SORCS2: variants seen among roughly 807,000 people sequenced by gnomAD.
SORCS2 encodes the protein VPS10 domain-containing receptor SorCS2.
Under a neutral mutation model 141.6 loss-of-function variants are expected in SORCS2, and 100 were observed. That is an observed-to-expected ratio of 0.71 (90% confidence interval 0.60 to 0.83). The LOEUF (loss-of-function observed/expected upper bound fraction) is 0.83. Ranked by LOEUF, SORCS2 falls within the 40% of genes least tolerant of loss-of-function variation. The pLI, the probability that SORCS2 is intolerant of heterozygous loss-of-function variation, is 0.00. For synonymous variants in SORCS2, 789 were observed against 676.9 expected, an observed-to-expected ratio of 1.17 and a Z score of -2.57; for missense variants, 1,646 against 1,560.2, an observed-to-expected ratio of 1.05 and a Z score of -0.93.
chr4:7,710,157 G>T (rs1040290906), intron 14 of SORCS2, among the ~76,000 whole-genome samples: 1 of 152,110 alleles, frequency 6.6e-6, no homozygotes, highest in Non-Finnish European at 1.5e-5. Context: ...CCTCCTGGGG[G>T]TCTCTGCGAC....
chr4:7,360,947 G>C (rs1389237988), intron 1 of SORCS2, among the ~76,000 whole-genome samples: 1 of 151,918 alleles, frequency 6.6e-6, no homozygotes, highest in Non-Finnish European at 1.5e-5. Context: ...GCCATGCTGG[G>C]TTCGCCCCTG....
chr4:7,611,259 G>T (rs1280342712), intron 3 of SORCS2, among the ~76,000 whole-genome samples: 8 of 152,230 alleles, frequency 5.3e-5, no homozygotes, highest in Admixed American at 3.3e-4. Context: ...CTGGGTGTTG[G>T]ATGAAGCTGC....
chr4:7,584,551 C>G (rs891075338), intron 3 of SORCS2, among the ~76,000 whole-genome samples: 2 of 152,214 alleles, frequency 1.3e-5, no homozygotes, highest in Non-Finnish European at 2.9e-5. Flanking sequence ...CGCACCATGA[C>G]AGAAATAGGG....
chr4:7,412,751 C>T (rs892445686), intron 2 of SORCS2, among the ~76,000 whole-genome samples: 4 of 152,076 alleles, frequency 2.6e-5, no homozygotes, highest in African/African-American at 9.7e-5. Context: ...ACCCTTGCTG[C>T]TTCACCTGTC....
chr4:7,546,460 G>A (rs888567528), intron 3 of SORCS2, among the ~76,000 whole-genome samples: 18 of 152,082 alleles, frequency 1.2e-4, no homozygotes, highest in Non-Finnish European at 4.4e-5. Flanking sequence ...ATTGCATGTC[G>A]GCTCCATCGC....
At chr4:7,631,684 C>CG (rs1238158495) in intron 3 of SORCS2, among the ~76,000 whole-genome samples, 4 of 152,232 alleles carry the variant, frequency 2.6e-5, no homozygotes, top group South Asian at 2.1e-4. Flanking sequence ...GCTCCTATCC[C>CG]GGGGGGTCCA....
intron 1 of SORCS2, among the ~76,000 whole-genome samples, chr4:7,275,773 A>G (rs1473031820): frequency 6.6e-6 from 1 of 152,166 alleles, no homozygotes; most frequent in Non-Finnish European, 1.5e-5. Context: ...TTCTCCAGCA[A>G]GGTGCATGAG....
At chr4:7,601,616 C>CAAAAA (rs1168678841) in intron 3 of SORCS2, among the ~76,000 whole-genome samples, 768 of 45,622 alleles carry the variant, frequency 0.017, 50 homozygotes, top group African/African-American at 0.056. Context: ...AAGACTCTCT[C>CAAAAA]AAAAAAAAAA....
At chr4:7,710,778 C>A (rs571602348) in intron 14 of SORCS2, among the ~76,000 whole-genome samples, 1 of 152,326 alleles carries the variant, frequency 6.6e-6, no homozygotes, top group African/African-American at 2.4e-5. Flanking sequence ...AGCGGACGGA[C>A]GCGGCAGAGT....
intron 20 of SORCS2, 28 bp downstream of exon 20, chr4:7,725,315 C>T: frequency 6.2e-7 from 1 of 1,602,632 alleles, no homozygotes. Context: ...CAACTCAGCC[C>T]TTCTTCCCGC....
intron 1 of SORCS2, among the ~76,000 whole-genome samples, chr4:7,364,327 C>A (rs1179755525): frequency 6.6e-6 from 1 of 152,218 alleles, no homozygotes; most frequent in African/African-American, 2.4e-5. Context: ...TGTCTTTGGA[C>A]AGGGAAATGC....
intron 1 of SORCS2, among the ~76,000 whole-genome samples, chr4:7,266,630 C>T (rs936149631): frequency 6.6e-6 from 1 of 152,190 alleles, no homozygotes; most frequent in African/African-American, 2.4e-5. Context: ...CGGTGGTTTC[C>T]CACAGTGTGA....
At chr4:7,499,129 G>T (rs1036898851) in intron 2 of SORCS2, among the ~76,000 whole-genome samples, 1 of 149,986 alleles carries the variant, frequency 6.7e-6, no homozygotes, top group African/African-American at 2.5e-5. Context: ...GTCTGAGTGT[G>T]TATGAGTGGG....
intron 13 of SORCS2, 118 bp downstream of exon 13, chr4:7,703,489 G>C: frequency 1.3e-6 from 1 of 758,014 alleles, no homozygotes; most frequent in South Asian, 1.9e-5. Flanking sequence ...CATGATCACA[G>C]AGCAACTGCA....
chr4:7,500,967 G>T (rs1052715877), intron 2 of SORCS2, among the ~76,000 whole-genome samples: 2 of 152,208 alleles, frequency 1.3e-5, no homozygotes, highest in South Asian at 2.1e-4. Flanking sequence ...CAGGGAGCTC[G>T]GCTCAAGCCA....
chr4:7,369,800 C>T (rs2109041228), intron 1 of SORCS2, among the ~76,000 whole-genome samples: 1 of 152,344 alleles, frequency 6.6e-6, no homozygotes. Flanking sequence ...TCAGCCTCCC[C>T]ACCATGGGCA....
At chr4:7,227,071 A>G (rs1395637958) in intron 1 of SORCS2, among the ~76,000 whole-genome samples, 3 of 152,082 alleles carry the variant, frequency 2.0e-5, no homozygotes, top group Non-Finnish European at 4.4e-5. Context: ...ACTCTTATGC[A>G]CCTGTGGGTA....
At chr4:7,415,375 G>A (rs1476067823) in intron 2 of SORCS2, among the ~76,000 whole-genome samples, 1 of 152,188 alleles carries the variant, frequency 6.6e-6, no homozygotes, top group Non-Finnish European at 1.5e-5. Context: ...GAATGCAGAG[G>A]CTGCCTGCCA....
chr4:7,240,531 C>G (rs996769159), intron 1 of SORCS2, among the ~76,000 whole-genome samples: 3 of 152,140 alleles, frequency 2.0e-5, no homozygotes, highest in Non-Finnish European at 4.4e-5. Flanking sequence ...TCCCCGTCCT[C>G]GTGGTGGAGG....
Sources: allele counts gnomAD v4.1 joint callset (sites outside exome capture counted in the v4.1 genomes callset), GRCh38; gene constraint gnomAD v4.1.1; transcripts MANE v1.5; gene names NCBI Gene and HGNC (gene_info 2026-07-23, HGNC 2026-07-21).